WNK2: variants seen among roughly 807,000 people sequenced by gnomAD.
The protein encoded by WNK2 is serine/threonine-protein kinase WNK2.
In WNK2, 67 loss-of-function variants were observed where a neutral mutation model predicts 192.1. The observed-to-expected ratio is 0.35, with a 90% CI of 0.29 to 0.43. The LOEUF is 0.43. Among genes scored for constraint, WNK2 ranks in the 20% least tolerant of loss-of-function variants. WNK2 has a pLI of 1.00. For synonymous variants in WNK2, 1,439 were observed against 1,393.9 expected (o/e 1.03, Z -0.72); for missense variants, 2,698 against 3,089.7 (o/e 0.87, Z 3.01).
chr9:93,268,039 C>G lies in WNK2; in HGVS notation c.3887C>G (p.Ala1296Gly). Residue 1296 changes from alanine (A) to glycine (G), a missense_variant, in exon 18 of 30, where the codon GCC becomes GGC. Physicochemically the swap from Ala to Gly is moderately conservative, Grantham distance 60. This residue lies in a region of WNK2 where 1,098 missense variants were observed against 1,101.0 expected (regional missense o/e 1.00). Coordinates refer to ENST00000427277, the MANE Select transcript of WNK2 (RefSeq NM_006648.4). Reference protein sequence around the residue: ...GTGEESRQSQANAPVYQQNVL... With the variant: ...GTGEESRQSQGNAPVYQQNVL... ...ATTCAGGAGAGCCGACAATCCCAAGCCAACGCCCCCGTGTATCAGCAGAAC... is the reference window on the plus strand; with the variant it reads ...ATTCAGGAGAGCCGACAATCCCAAGGCAACGCCCCCGTGTATCAGCAGAAC... 2 of 1,612,208 alleles carry G rather than the reference C, an allele frequency of 1.2e-6. No homozygotes were observed. Among genetic ancestry groups the G allele is most frequent in the Non-Finnish European group, 1.7e-6 (2 of 1,179,240 alleles).
intron 29 of WNK2, chr9:93,318,386 G>C: frequency 1.2e-6 from 2 of 1,613,800 alleles, no homozygotes; most frequent in South Asian, 1.1e-5. Flanking sequence ...GTAGAGTGCC[G>C]GTTCCCTGGG....
rs2169756 is a variant in WNK2, at chr9:93,289,239, A to G, written c.4485A>G (p.Gln1495=). 0.94 allele frequency: 1,516,109 copies of G among 1,604,438 alleles called. 717,303 individuals are homozygous for G. Among genetic ancestry groups the G allele is most frequent in the East Asian group, 1 (44,695 of 44,702 alleles). ...HSGTPQPALG[Q]PAPLLPAAVG... ...GGACCCCACAGCCCGCCTTGGGTCAACCTGCTCCCCTGCTTCCTGCCGCAG... is the reference window on the plus strand; with the variant it reads ...GGACCCCACAGCCCGCCTTGGGTCAGCCTGCTCCCCTGCTTCCTGCCGCAG... Residue 1495 remains glutamine, a synonymous_variant, in exon 20 of 30, where the codon CAA becomes CAG. Coordinates refer to ENST00000427277, the MANE Select transcript of WNK2 (RefSeq NM_006648.4).
intron 2 of WNK2, among the ~76,000 whole-genome samples, chr9:93,186,507 A>G (rs1391938173): frequency 1.3e-5 from 2 of 152,142 alleles, no homozygotes; most frequent in African/African-American, 4.8e-5. Context: ...GGCGTGAGCC[A>G]GTCTGGGAGA....
At chr9:93,212,427 A>ACAGAGGGC (rs1834964640) in intron 2 of WNK2, among the ~76,000 whole-genome samples, 1 of 152,136 alleles carries the variant, frequency 6.6e-6, no homozygotes, top group Non-Finnish European at 1.5e-5. Context: ...TGGCTGACAG[A>ACAGAGGGC]TGACTACTCA....
chr9:93,199,899 C>CAAAAAAAAAAAAA (rs59582411), intron 2 of WNK2, among the ~76,000 whole-genome samples: 25 of 107,738 alleles, frequency 2.3e-4, no homozygotes, highest in African/African-American at 5.2e-4. Flanking sequence ...CTCTTTGTCT[C>CAAAAAAAAAAAAA]AAAAAAAAAA....
rs192337871 is a variant in WNK2, at chr9:93,259,780, G to A, written c.3066+166G>A. ...GAGGGAGGCGGGGGCTGGCGCCAGC[G>A]CGAGGCATCTGCATCTCTTCCGTTT... On this transcript the variant is annotated intron_variant, in intron 12 of 29. Transcript: ENST00000427277. The surrounding 1 kb of genome is among the most constrained non-coding windows in gnomAD (Gnocchi z 4.8). 1.4e-3 allele frequency among the ~76,000 whole-genome samples: 211 copies of A among 152,294 alleles called. No homozygotes were observed. Among genetic ancestry groups the A allele is most frequent in the African/African-American group, 4.6e-3 (192 of 41,572 alleles).
intron 20 of WNK2, 22 bp from the exon 21 acceptor site, chr9:93,289,956 C>G: frequency 6.4e-7 from 1 of 1,553,776 alleles, no homozygotes; most frequent in Non-Finnish European, 8.7e-7. Context: ...CGGCTCTTCT[C>G]TTTTTGTGTT....
chr9:93,214,646 GT>G (rs1297513546), intron 2 of WNK2, among the ~76,000 whole-genome samples: 1 of 149,014 alleles, frequency 6.7e-6, no homozygotes, highest in African/African-American at 2.5e-5. Flanking sequence ...ATTTTACATG[GT>G]TTCTGTTGAG....
At chr9:93,320,272 G>T in intron 29 of WNK2, 95 bp from the exon 30 acceptor site, 2 of 1,325,508 alleles carry the variant, frequency 1.5e-6, no homozygotes, top group East Asian at 4.6e-5. Context: ...CAGCCTTCCC[G>T]TCGGCAGCTC....
At chr9:93,199,147 G>T (rs906497223) in intron 2 of WNK2, among the ~76,000 whole-genome samples, 1 of 152,218 alleles carries the variant, frequency 6.6e-6, no homozygotes, top group Non-Finnish European at 1.5e-5. Context: ...GTGGGGTGCG[G>T]CTTCTCAGCC....
At chr9:93,314,013 G>A (rs1854136073) in intron 28 of WNK2, among the ~76,000 whole-genome samples, 2 of 151,838 alleles carry the variant, frequency 1.3e-5, no homozygotes, top group African/African-American at 4.8e-5. Context: ...GCTCACGCTT[G>A]TAATCCCAGC....
chr9:93,215,839 T>C (rs1438125371), intron 2 of WNK2, among the ~76,000 whole-genome samples: 1 of 152,230 alleles, frequency 6.6e-6, no homozygotes, highest in Non-Finnish European at 1.5e-5. Flanking sequence ...TCTTCTTTTA[T>C]TTTTATTTTT....
At chr9:93,213,738 G>A (rs932234896) in intron 2 of WNK2, among the ~76,000 whole-genome samples, 4 of 151,940 alleles carry the variant, frequency 2.6e-5, no homozygotes, top group Admixed American at 6.6e-5. Flanking sequence ...GCAGTAAGCC[G>A]AGATCACACC....
chr9:93,230,854 C>G, intron 3 of WNK2, 34 bp from the exon 4 acceptor site: 1 of 1,592,822 alleles, frequency 6.3e-7, no homozygotes, highest in Non-Finnish European at 8.6e-7. Context: ...TGCCGGCGAG[C>G]TGCTTGGTGA....
chr9:93,308,825 G>A (rs1001341474), intron 28 of WNK2: 8 of 1,400,436 alleles, frequency 5.7e-6, no homozygotes, highest in Non-Finnish European at 1.9e-6. Context: ...GGCCAGGCCA[G>A]GGCTGTGACT....
chr9:93,311,613 T>TTGTGTGTGTGTGTGTGTGTGTGTG lies in WNK2; in HGVS notation c.6516+3033_6516+3056dup, dbSNP rs71364368. Among the ~76,000 whole-genome samples, 163 of 146,188 alleles carry TTGTGTGTGTGTGTGTGTGTGTGTG rather than the reference T, an allele frequency of 1.1e-3. 2 individuals carry two copies. The highest frequency in any genetic ancestry group is 4.0e-3 in the African/African-American group (157 of 39,566). ...AGATTTCCTTTCTGGGTTTTTTTGT[T>TTGTGTGTGTGTGTGTGTGTGTGTG]TGTGTGTGTGTGTGTGTGTGTGTGT... On this transcript the variant is annotated intron_variant, in intron 28 of 29. Coordinates refer to ENST00000427277, the MANE Select transcript of WNK2 (RefSeq NM_006648.4).
chr9:93,237,467 G>T (rs1840016583), intron 5 of WNK2, among the ~76,000 whole-genome samples: 1 of 152,202 alleles, frequency 6.6e-6, no homozygotes, highest in Admixed American at 6.5e-5. Context: ...GTTCGATTCA[G>T]ATGGGCTTTT....
At chr9:93,234,655 C>A (rs577715396) in intron 4 of WNK2, among the ~76,000 whole-genome samples, 153 bp from the exon 5 acceptor site, 2 of 152,304 alleles carry the variant, frequency 1.3e-5, no homozygotes, top group Non-Finnish European at 2.9e-5. Flanking sequence ...AAGTGAGGGG[C>A]AGGGCTGGCC....
chr9:93,258,624 C>T (rs1843685600), intron 11 of WNK2, among the ~76,000 whole-genome samples: 1 of 152,120 alleles, frequency 6.6e-6, no homozygotes, highest in Non-Finnish European at 1.5e-5. Context: ...GCATGGCTGT[C>T]GTGAGTGTGG....
Sources: allele counts gnomAD v4.1 joint callset (sites outside exome capture counted in the v4.1 genomes callset), GRCh38; gene constraint gnomAD v4.1.1; regional missense constraint gnomAD v4.1.1; non-coding constraint Gnocchi (gnomAD v3.1); transcripts MANE v1.5; gene names NCBI Gene and HGNC (gene_info 2026-07-23, HGNC 2026-07-21).